N4BP3: variants seen among roughly 807,000 people sequenced by gnomAD.
N4BP3 encodes NEDD4-binding protein 3.
Under a neutral mutation model 43.8 loss-of-function variants are expected in N4BP3, and 33 were observed. That is an observed-to-expected ratio of 0.75 (90% CI 0.57 to 1.01). The LOEUF (loss-of-function observed/expected upper bound fraction) is 1.01. N4BP3 is among the 50% of genes least tolerant of loss of function. The probability of loss-of-function intolerance (pLI) is 0.00; values close to 1 mark genes in which losing one functional copy is unlikely to be tolerated. For synonymous variants in N4BP3, 326 were observed against 321.9 expected (o/e 1.01, Z -0.14); for missense variants, 756 against 744.2 (o/e 1.02, Z -0.18).
intron 1 of N4BP3, among the ~76,000 whole-genome samples, chr5:178,114,972 C>T (rs545224883): frequency 6.6e-6 from 1 of 152,292 alleles, no homozygotes; most frequent in Non-Finnish European, 1.5e-5. Context: ...GAACCCGTGA[C>T]CCCTGGCTTA....
At position 178,119,686 on chromosome 5, in the gene N4BP3, G is replaced by T; in HGVS notation, c.103G>T (p.Gly35Trp). The T allele has an allele frequency of 6.2e-7, 1 of 1,611,640 alleles. No individual in the cohort carries two copies. ...SPEELRAALAGSRGSRQPDGL... is the reference protein window; with the variant it reads ...SPEELRAALAWSRGSRQPDGL... The stretch of plus-strand genomic sequence containing the variant: ...TGAAGAGCTGCGGGCGGCACTTGCC[G>T]GGTCTCGGGGCTCCCGCCAGCCTGA... Residue 35 changes from glycine to tryptophan, a missense_variant, in exon 2 of 5, where the codon GGG becomes TGG. By Grantham distance (184) the Gly-to-Trp change is radical. Coordinates refer to ENST00000274605, the MANE Select transcript of N4BP3 (RefSeq NM_015111.2).
intron 1 of N4BP3, among the ~76,000 whole-genome samples, chr5:178,116,087 C>T (rs932889300): frequency 3.9e-5 from 6 of 152,232 alleles, no homozygotes; most frequent in East Asian, 1.9e-4. Flanking sequence ...ACGACCCGTG[C>T]AGGGTCCCCG....
chr5:178,122,218 G>C lies in N4BP3; in HGVS notation c.*217G>C. The C allele has an allele frequency of 1.7e-6, 1 of 575,934 alleles. No homozygotes were observed. Among genetic ancestry groups the C allele is most frequent in the East Asian group, 3.0e-5 (1 of 33,558 alleles). The allele number at this position is 575,934 out of a possible 1,614,324, so 35.7% of individuals were successfully genotyped here. A position where few individuals can be genotyped will look rare whatever the true frequency, so the allele number is the denominator to read the frequency against. ...CTCCTGGCAGAGGAGCACCTAGGCA[G>C]GGCCCAGCCCTGCTTCCTGGAGTGG... is the stretch of plus-strand genomic sequence containing the variant. On this transcript the variant is annotated 3_prime_UTR_variant, in exon 5 of 5. Transcript: ENST00000274605.
At chr5:178,117,638 AG>A (rs1211130506) in intron 1 of N4BP3, among the ~76,000 whole-genome samples, 3 of 108,380 alleles carry the variant, frequency 2.8e-5, no homozygotes, top group African/African-American at 3.4e-5. Flanking sequence ...AAAAAAAAAA[AG>A]AAGGGACAAT....
downstream of N4BP3, among the ~76,000 whole-genome samples, chr5:178,126,356 T>A (rs1031267077): frequency 6.6e-6 from 1 of 152,088 alleles, no homozygotes; most frequent in Admixed American, 6.5e-5. Context: ...TTTTTTGTAT[T>A]TTTAGTACAG....
intron 1 of N4BP3, among the ~76,000 whole-genome samples, chr5:178,117,977 G>T (rs1356765263): frequency 6.6e-6 from 1 of 152,176 alleles, no homozygotes; most frequent in Non-Finnish European, 1.5e-5. Flanking sequence ...ATTGTTCGGG[G>T]GCAGGAGTGG....
At chr5:178,120,990 C>T in intron 3 of N4BP3, 108 bp from the exon 4 acceptor site, 2 of 1,421,514 alleles carry the variant, frequency 1.4e-6, no homozygotes, top group Non-Finnish European at 9.3e-7. Flanking sequence ...TGGCTGGGTC[C>T]TGTGGTGTAG....
chr5:178,121,606 G>A lies in N4BP3; in HGVS notation c.1240G>A (p.Ala414Thr). The change falls in exon 5 of 5, where the codon GCT (alanine) becomes ACT (threonine). Residue 414 changes from alanine to threonine, a missense_variant. Coordinates refer to ENST00000274605, the MANE Select transcript of N4BP3 (RefSeq NM_015111.2). ...TCGGGGCAGCCGGGCACAAGCCCAG[G>A]CTCAGGACGCAGAGCTGGTCCGGCT... ...QLRGSRAQAQ[A>T]QDAELVRLRE... The A allele has an allele frequency of 6.2e-7, 1 of 1,613,256 alleles. No homozygotes were observed. Among genetic ancestry groups the A allele is most frequent in the Non-Finnish European group, 8.5e-7 (1 of 1,179,954 alleles).
chr5:178,121,602 C>T lies in N4BP3; in HGVS notation c.1236C>T (p.Ala412=), dbSNP rs776762857. ...KTQLRGSRAQ[A]QAQDAELVRL... is the part of the protein sequence containing the mutation. ...AACTTCGGGGCAGCCGGGCACAAGCCCAGGCTCAGGACGCAGAGCTGGTCC... is the reference window on the plus strand; with the variant it reads ...AACTTCGGGGCAGCCGGGCACAAGCTCAGGCTCAGGACGCAGAGCTGGTCC... The change falls in exon 5 of 5, where the codon GCC becomes GCT. Residue 412 remains alanine (A), a synonymous_variant. Coordinates refer to ENST00000274605, the MANE Select transcript of N4BP3 (RefSeq NM_015111.2). 2 of 1,613,288 alleles carry T rather than the reference C, an allele frequency of 1.2e-6. No individual in the cohort carries two copies. The highest frequency in any genetic ancestry group is 2.2e-5 in the South Asian group (2 of 91,086).
rs1176959272 is a variant in N4BP3, at chr5:178,120,676, G to T, written c.829G>T (p.Asp277Tyr). ...GCTCAAGAGGGGCCTTGGCGATGAGGACGGCTCCAACCCCTTCACGCAGGT... is the reference window on the plus strand; with the variant it reads ...GCTCAAGAGGGGCCTTGGCGATGAGTACGGCTCCAACCCCTTCACGCAGGT... Reference protein sequence around the residue: ...EELKRGLGDEDGSNPFTQVLE... With the variant: ...EELKRGLGDEYGSNPFTQVLE... Residue 277 changes from aspartate (D) to tyrosine (Y), a missense_variant, in exon 3 of 5, where the codon GAC (aspartate) becomes TAC (tyrosine). Physicochemically the swap from Asp to Tyr is radical, Grantham distance 160 (BLOSUM62 -3). Coordinates refer to ENST00000274605, the MANE Select transcript of N4BP3 (RefSeq NM_015111.2). 2 of 1,599,442 alleles carry T rather than the reference G, an allele frequency of 1.3e-6. No individual in the cohort carries two copies. The highest frequency in any genetic ancestry group is 1.7e-6 in the Non-Finnish European group (2 of 1,179,118).
At position 178,121,583 on chromosome 5, in the gene N4BP3, G is replaced by C. The variant is rs779880847; in HGVS notation, c.1217G>C (p.Arg406Pro). 4 of 1,613,266 alleles carry C rather than the reference G, an allele frequency of 2.5e-6. No individual in the cohort carries two copies. The East Asian group carries it at 6.7e-5, about 27-fold the overall frequency. The change falls in exon 5 of 5, where the codon CGG becomes CCG. Residue 406 changes from arginine to proline, a missense_variant. Transcript: ENST00000274605. ...AEIFSLKTQLRGSRAQAQAQD... is the reference protein window; with the variant it reads ...AEIFSLKTQLPGSRAQAQAQD... ...ATCTTCAGTCTGAAGACACAACTTC[G>C]GGGCAGCCGGGCACAAGCCCAGGCT... is the stretch of plus-strand genomic sequence containing the variant.
At chr5:178,117,406 G>A (rs1011159539) in intron 1 of N4BP3, among the ~76,000 whole-genome samples, 13 of 152,134 alleles carry the variant, frequency 8.5e-5, no homozygotes, top group African/African-American at 2.2e-4. Flanking sequence ...GACCAGCTAC[G>A]ACCTTGGGCA....
chr5:178,119,497 C>A, intron 1 of N4BP3, 57 bp from the exon 2 acceptor site: 1 of 1,316,400 alleles, frequency 7.6e-7, no homozygotes, highest in Non-Finnish European at 1.0e-6. Context: ...TTTCAGGCCC[C>A]AGGGAAGTTG....
intron 1 of N4BP3, among the ~76,000 whole-genome samples, chr5:178,119,120 TC>T (rs748228276): frequency 3.6e-4 from 55 of 152,274 alleles, no homozygotes; most frequent in East Asian, 3.9e-4. Context: ...TGCCTTAGCC[TC>T]CCAAAGTGCT....
rs1288158606 is a variant in N4BP3 at position 178,125,459 on chromosome 5, C to T, written c.*3458C>T. The T allele has an allele frequency of 6.6e-6, 1 of 152,356 alleles. No homozygotes were observed. Among genetic ancestry groups the T allele is most frequent in the Non-Finnish European group, 1.5e-5 (1 of 68,142 alleles). The allele number at this position is 152,356 out of a possible 1,614,324, so 9.4% of individuals were successfully genotyped here. A position where few individuals can be genotyped will look rare whatever the true frequency, so the allele number is the denominator to read the frequency against. ...TATCTGTGGGGCTGGGTACATTTCT[C>T]TGAGACTCACGGAATGTAAGTGTTG... On this transcript the variant is annotated 3_prime_UTR_variant, in exon 5 of 5. Coordinates refer to ENST00000274605, the MANE Select transcript of N4BP3 (RefSeq NM_015111.2).
In N4BP3 at chr5:178,122,083, G is replaced by A; in HGVS notation, c.*82G>A. On this transcript the variant is annotated 3_prime_UTR_variant, in exon 5 of 5. Transcript: ENST00000274605. ...GGCTCAGCCTTCCCTTGCACTGGTT[G>A]GGGTGGAACCTGCAGAGGCCAGCCC... 1 of 1,459,286 alleles carries A rather than the reference G, an allele frequency of 6.9e-7. No homozygotes were observed. Among genetic ancestry groups the A allele is most frequent in the African/African-American group, 1.4e-5 (1 of 70,756 alleles). 90.4% of individuals were successfully genotyped at this position (1,459,286 alleles called of 1,614,324 possible). A position where few individuals can be genotyped will look rare whatever the true frequency, so the allele number is the denominator to read the frequency against.
chr5:178,122,701 G>A lies in N4BP3; in HGVS notation c.*700G>A, dbSNP rs1203742410. 6.6e-6 allele frequency: 1 copy of A among 152,368 alleles called. No homozygotes were observed. Among genetic ancestry groups the A allele is most frequent in the African/African-American group, 2.4e-5 (1 of 41,578 alleles). The allele number at this position is 152,368 out of a possible 1,614,324, so 9.4% of individuals were successfully genotyped here. On this transcript the variant is annotated 3_prime_UTR_variant, in exon 5 of 5. Coordinates refer to ENST00000274605, the MANE Select transcript of N4BP3 (RefSeq NM_015111.2). Reference sequence around the variant, plus strand: ...AAAAAACAAAGGGCAAGTCAACCAAGGCATTTTGAGAACATGAAATGTCTT... The same window carrying A: ...AAAAAACAAAGGGCAAGTCAACCAAAGCATTTTGAGAACATGAAATGTCTT...
intron 1 of N4BP3, among the ~76,000 whole-genome samples, chr5:178,116,408 G>A (rs1391185251): frequency 2.0e-5 from 3 of 152,160 alleles, no homozygotes; most frequent in Admixed American, 2.0e-4. Context: ...GCCAGGAGGG[G>A]CACAGTGGGG....
At chr5:178,117,797 G>A (rs541296200) in intron 1 of N4BP3, among the ~76,000 whole-genome samples, 25 of 151,948 alleles carry the variant, frequency 1.6e-4, no homozygotes, top group Non-Finnish European at 2.2e-4. Context: ...GTGCAAACCC[G>A]GATTCGCCCC....
Sources: gnomAD v4.1 joint callset for allele counts (sites outside exome capture counted in the v4.1 genomes callset) on GRCh38, gnomAD v4.1.1 for gene constraint, MANE v1.5 for transcripts, NCBI Gene and HGNC (gene_info 2026-07-23, HGNC 2026-07-21) for gene names.